ALK: variants seen among roughly 807,000 people sequenced by gnomAD.
ALK encodes ALK receptor tyrosine kinase.
Under a neutral mutation model 163.1 loss-of-function variants are expected in ALK, and 74 were observed. That is an observed-to-expected ratio of 0.45 (90% CI 0.38 to 0.55). The LOEUF (loss-of-function observed/expected upper bound fraction) is 0.55. Ranked by LOEUF, ALK falls within the 20% of genes least tolerant of loss-of-function variation. The probability of loss-of-function intolerance (pLI) is 0.00; values close to 1 mark genes in which losing one functional copy is unlikely to be tolerated. For missense variants in ALK, 2,063 were observed against 2,105.3 expected (o/e 0.98, Z 0.39); for synonymous variants, 960 against 843.2 (o/e 1.14, Z -2.40).
At chr2:29,560,521 C>T (rs959178347) in intron 3 of ALK, among the ~76,000 whole-genome samples, 4 of 152,026 alleles carry the variant, frequency 2.6e-5, no homozygotes, top group Non-Finnish European at 5.9e-5. Flanking sequence ...TTGCACAACT[C>T]TGTAATTTTC....
chr2:29,817,001 T>C (rs888283253), intron 1 of ALK, among the ~76,000 whole-genome samples: 1 of 152,226 alleles, frequency 6.6e-6, no homozygotes, highest in Non-Finnish European at 1.5e-5. Context: ...TTTGTGCGTA[T>C]GAACTCATTA....
rs775805709 is a variant in ALK, at chr2:29,193,616, T to G, written c.4471A>C (p.Lys1491Gln). 8.7e-6 allele frequency: 14 copies of G among 1,614,236 alleles called. No homozygotes were observed. In the Admixed American group the frequency reaches 2.3e-4, roughly 27 times the overall value. ...GGCTTGTTTCTGGATCCGTGGACCT[T>G]GTGCAACTCCGAAGGAGGGTTGGAC... The part of the protein sequence containing the change: ...SQSNPPSELH[K>Q]VHGSRNKPTS... The change falls in exon 29 of 29, where the codon AAG becomes CAG. Residue 1491 changes from lysine (K) to glutamine (Q), a missense_variant. Transcript: ENST00000389048.
At chr2:29,619,204 T>A (rs777904544) in intron 3 of ALK, among the ~76,000 whole-genome samples, 1 of 152,150 alleles carries the variant, frequency 6.6e-6, no homozygotes, top group South Asian at 2.1e-4. Flanking sequence ...AAACAATGGG[T>A]GGAAGTTGGG....
chr2:29,819,858 T>G (rs1018007660), intron 1 of ALK, among the ~76,000 whole-genome samples: 1 of 152,146 alleles, frequency 6.6e-6, no homozygotes, highest in African/African-American at 2.4e-5. Flanking sequence ...CAATCCATGA[T>G]CCTACAGGGA....
intron 3 of ALK, among the ~76,000 whole-genome samples, chr2:29,639,228 T>C (rs894774172): frequency 2.6e-5 from 4 of 152,138 alleles, no homozygotes; most frequent in Non-Finnish European, 5.9e-5. Flanking sequence ...CTCACACTTC[T>C]GGGTCACCTG....
At chr2:29,239,354 G>A (rs1327947144) in intron 13 of ALK, among the ~76,000 whole-genome samples, 1 of 152,182 alleles carries the variant, frequency 6.6e-6, no homozygotes, top group East Asian at 1.9e-4. Context: ...GAACATAGCT[G>A]TCTGCTTTGG....
rs777076185 is a variant in ALK, at chr2:29,468,192, C to T, written c.1154+63723G>A. On this transcript the variant is annotated intron_variant, in intron 4 of 28. Transcript: ENST00000389048. ...TACAGGCACGTGCCACCACACCCAG[C>T]TAATTTTTGTATTTTCAGTAGAGAT... Among the ~76,000 whole-genome samples, 12 of 152,242 alleles carry T rather than the reference C, an allele frequency of 7.9e-5. No individual in the cohort carries two copies. The South Asian group carries it at 2.5e-3, about 32-fold the overall frequency.
intron 9 of ALK, among the ~76,000 whole-genome samples, chr2:29,287,557 A>C (rs1242676031): frequency 6.6e-6 from 1 of 152,160 alleles, no homozygotes; most frequent in Non-Finnish European, 1.5e-5. Context: ...AATGACTGAA[A>C]ATTTTTGTTT....
At position 29,393,808 on chromosome 2, in the gene ALK, G is replaced by A. The variant is rs112895508; in HGVS notation, c.1155-9949C>T. Among the ~76,000 whole-genome samples, 1,389 of 152,268 alleles carry A rather than the reference G, an allele frequency of 9.1e-3. 32 individuals carry two copies. Among genetic ancestry groups the A allele is most frequent in the African/African-American group, 0.031 (1,306 of 41,538 alleles). On this transcript the variant is annotated intron_variant, in intron 4 of 28. Transcript: ENST00000389048. ...TTTATGCCAGCTGTACTCATTAAGT[G>A]GATGAAATAGGCAGGAGAACATTTG...
chr2:29,377,366 TC>T (rs1668780860), intron 5 of ALK, among the ~76,000 whole-genome samples: 1 of 151,202 alleles, frequency 6.6e-6, no homozygotes, highest in Admixed American at 6.6e-5. Flanking sequence ...TCCCAGCTAC[TC>T]AGGAGCCTGA....
chr2:29,686,467 C>T (rs564313818), intron 3 of ALK, among the ~76,000 whole-genome samples: 9 of 152,314 alleles, frequency 5.9e-5, no homozygotes, highest in African/African-American at 2.2e-4. Context: ...ATTTGGCCAT[C>T]ATTTGTATTG....
At chr2:29,475,918 C>T (rs1307652415) in intron 4 of ALK, among the ~76,000 whole-genome samples, 2 of 152,158 alleles carry the variant, frequency 1.3e-5, no homozygotes, top group African/African-American at 2.4e-5. Context: ...CAAATGAGAA[C>T]GGTGACATCG....
chr2:29,794,418 C>T (rs1027962713), intron 1 of ALK, among the ~76,000 whole-genome samples: 8 of 152,152 alleles, frequency 5.3e-5, no homozygotes, highest in Admixed American at 6.5e-5. Flanking sequence ...TGTGTGTTCA[C>T]TGGGGTAGCA....
intron 1 of ALK, among the ~76,000 whole-genome samples, chr2:29,834,384 CT>C (rs1665502606): frequency 6.6e-6 from 1 of 152,164 alleles, no homozygotes. Flanking sequence ...ATTTTCTCAA[CT>C]GATTTGACAT....
intron 5 of ALK, among the ~76,000 whole-genome samples, chr2:29,345,202 T>G (rs1048681386): frequency 1.3e-5 from 2 of 151,992 alleles, no homozygotes; most frequent in African/African-American, 4.8e-5. Context: ...GAGACCAGCC[T>G]GGGCAACATA....
chr2:29,709,179 A>G (rs1394695601), intron 2 of ALK, among the ~76,000 whole-genome samples: 2 of 152,212 alleles, frequency 1.3e-5, no homozygotes, highest in African/African-American at 4.8e-5. Flanking sequence ...TATGTTAAGA[A>G]AAGAAAAAAA....
At chr2:29,909,753 G>A (rs986475290) in intron 1 of ALK, among the ~76,000 whole-genome samples, 3 of 152,138 alleles carry the variant, frequency 2.0e-5, no homozygotes, top group Non-Finnish European at 2.9e-5. Flanking sequence ...TTGAATACCC[G>A]AGGCATGTGA....
At chr2:29,245,047 C>A (rs11884037) in intron 12 of ALK, among the ~76,000 whole-genome samples, 10,247 of 151,310 alleles carry the variant, frequency 0.068, 389 homozygotes, top group African/African-American at 0.082. Flanking sequence ...TGGGACAGTG[C>A]CCTTCACACA....
At chr2:29,322,039 A>C (rs1297762995) in intron 6 of ALK, among the ~76,000 whole-genome samples, 1 of 152,244 alleles carries the variant, frequency 6.6e-6, no homozygotes. Context: ...ACTCAGCCCT[A>C]AGGAGCTAGT....
Sources: gnomAD v4.1 joint callset for allele counts (sites outside exome capture counted in the v4.1 genomes callset) on GRCh38, gnomAD v4.1.1 for gene constraint, MANE v1.5 for transcripts, NCBI Gene and HGNC (gene_info 2026-07-23, HGNC 2026-07-21) for gene names.